Variants in EDA observed in about 807,000 individuals in gnomAD.
The protein encoded by EDA is ectodysplasin-A.
In EDA, 2 loss-of-function variants were observed where a neutral mutation model predicts 23.6. The observed-to-expected ratio is 0.08, with a 90% confidence interval of 0.03 to 0.27. The LOEUF (loss-of-function observed/expected upper bound fraction) is 0.27, where lower values mean the gene tolerates loss of function less well. Ranked by LOEUF, EDA falls within the 10% of genes least tolerant of loss-of-function variation. EDA has a pLI of 1.00. For missense variants in EDA, 229 were observed against 324.2 expected, an observed-to-expected ratio of 0.71 and a Z score of 2.26; for synonymous variants, 131 against 132.0, an observed-to-expected ratio of 0.99 and a Z score of 0.05.
intron 2 of EDA, chrX:70,022,966 C>A (rs1372723333): frequency 1.2e-5 from 3 of 254,749 alleles, no homozygotes; most frequent in Non-Finnish European, 1.5e-5. Context: ...CCCATTCCCT[C>A]ACCCCAAAGA....
chrX:70,030,688 C>G (rs2020186488), intron 6 of EDA, among the ~76,000 whole-genome samples, 168 bp downstream of exon 6: 1 of 112,168 alleles, frequency 8.9e-6, no homozygotes, highest in Non-Finnish European at 1.9e-5. Flanking sequence ...TGAGCAATTG[C>G]TGGCATCAAG....
chrX:69,906,376 A>G (rs868612912), intron 1 of EDA, among the ~76,000 whole-genome samples: 6 of 112,695 alleles, frequency 5.3e-5, no homozygotes, highest in African/African-American at 1.9e-4. Context: ...ATAAATAGTA[A>G]GAGGAATCTT....
At chrX:69,838,153 A>C (rs954968024) in intron 1 of EDA, among the ~76,000 whole-genome samples, 3 of 112,414 alleles carry the variant, frequency 2.7e-5, no homozygotes, top group African/African-American at 9.7e-5. Context: ...CTCTGAGTGG[A>C]ACTCTGTTTC....
chrX:69,817,386 A>C (rs888694761), intron 1 of EDA, among the ~76,000 whole-genome samples: 1 of 111,786 alleles, frequency 8.9e-6, no homozygotes, highest in African/African-American at 3.3e-5. Flanking sequence ...CCTTAAATGT[A>C]AATGGACTGA....
At chrX:69,720,344 A>G (rs1284492591) in intron 1 of EDA, among the ~76,000 whole-genome samples, 1 of 111,791 alleles carries the variant, frequency 8.9e-6, no homozygotes, top group Non-Finnish European at 1.9e-5. Context: ...GGTGTGTCTT[A>G]GCATGGATTT....
intron 1 of EDA, among the ~76,000 whole-genome samples, chrX:69,903,666 C>T (rs2018130350): frequency 9.2e-6 from 1 of 108,851 alleles, no homozygotes; most frequent in Non-Finnish European, 1.9e-5. Flanking sequence ...TATTTTTCTG[C>T]TTTGAAGCCA....
chrX:69,951,030 A>G (rs1419943195), intron 1 of EDA, among the ~76,000 whole-genome samples: 3 of 106,563 alleles, frequency 2.8e-5, no homozygotes, highest in Non-Finnish European at 5.8e-5. Flanking sequence ...AACATGGCAC[A>G]TGTATACATA....
At chrX:69,701,322 T>A (rs1392886427) in intron 1 of EDA, among the ~76,000 whole-genome samples, 1 of 110,293 alleles carries the variant, frequency 9.1e-6, no homozygotes, top group Admixed American at 9.6e-5. Context: ...TCCAGTGGGG[T>A]CCTCCGCAGA....
chrX:69,729,309 C>A (rs1456038416), intron 1 of EDA: 3 of 111,257 alleles, frequency 2.7e-5, no homozygotes, highest in Non-Finnish European at 5.7e-5. Context: ...ACCTCTCCAC[C>A]TATGTACTAA....
At position 69,843,838 on chromosome X, in the gene EDA, C is replaced by T. The variant is rs1304540927; in HGVS notation, c.397-113189C>T. Among the ~76,000 whole-genome samples the T allele has an allele frequency of 4.5e-5, 5 of 110,118 alleles. No individual in the cohort carries two copies. The East Asian group carries it at 8.6e-4, about 19-fold the overall frequency. The stretch of plus-strand genomic sequence containing the variant: ...GAGATCGAGACCATCCTGGCTAACA[C>T]GGTGAAACCCCGTCTCTATTAAAAA... On this transcript the variant is annotated intron_variant, in intron 1 of 7. Coordinates refer to ENST00000374552, the MANE Select transcript of EDA (RefSeq NM_001399.5).
chrX:70,003,568 A>C (rs767537525), intron 2 of EDA, among the ~76,000 whole-genome samples: 24 of 111,979 alleles, frequency 2.1e-4, no homozygotes, highest in Admixed American at 4.8e-4. Flanking sequence ...GAATATTATT[A>C]TAGAACTAGA....
At chrX:69,976,761 A>G (rs1303084489) in intron 2 of EDA, among the ~76,000 whole-genome samples, 15 of 91,809 alleles carry the variant, frequency 1.6e-4, no homozygotes, top group Non-Finnish European at 2.3e-4. Flanking sequence ...TAGCTGTGAC[A>G]GGGGGAGGGG....
At chrX:69,680,835 C>T (rs1224528472) in intron 1 of EDA, among the ~76,000 whole-genome samples, 6 of 103,261 alleles carry the variant, frequency 5.8e-5, no homozygotes, top group East Asian at 3.3e-4. Context: ...AAAGTTAATA[C>T]TGTTATGTGT....
At chrX:69,776,178 A>T (rs2014775759) in intron 1 of EDA, among the ~76,000 whole-genome samples, 1 of 112,203 alleles carries the variant, frequency 8.9e-6, no homozygotes, top group African/African-American at 3.2e-5. Context: ...ACAAAAGAAT[A>T]GTTGAACAGA....
intron 1 of EDA, among the ~76,000 whole-genome samples, chrX:69,842,401 A>T (rs2147561842): frequency 9.0e-6 from 1 of 111,671 alleles, no homozygotes; most frequent in African/African-American, 3.3e-5. Context: ...AATAATAATA[A>T]TAGAAATAAA....
chrX:69,871,352 T>C (rs777766073), intron 1 of EDA, among the ~76,000 whole-genome samples: 1 of 111,570 alleles, frequency 9.0e-6, no homozygotes, highest in Non-Finnish European at 1.9e-5. Context: ...GGGGAATTTA[T>C]TGAGTATTAA....
chrX:69,641,343 T>C (rs2147230700), intron 1 of EDA, among the ~76,000 whole-genome samples: 1 of 111,813 alleles, frequency 8.9e-6, no homozygotes, highest in Admixed American at 9.5e-5. Context: ...TTTGGCAAGA[T>C]ATGTGGTGGG....
In EDA at chrX:69,645,592, ATGTGTG is replaced by A. The variant is rs1201821188; in HGVS notation, c.396+28894_396+28899del. Among the ~76,000 whole-genome samples the A allele has an allele frequency of 9.7e-4, 46 of 47,613 alleles. 4 individuals are homozygous for A. The highest frequency in any genetic ancestry group is 3.1e-3 in the African/African-American group (23 of 7,535). 41.3% of individuals were successfully genotyped at this position (47,613 alleles called of 115,157 possible). A position where few individuals can be genotyped will look rare whatever the true frequency, so the allele number is the denominator to read the frequency against. On this transcript the variant is annotated intron_variant, in intron 1 of 7. Coordinates refer to ENST00000374552, the MANE Select transcript of EDA (RefSeq NM_001399.5). ...TTAGTTCTCTAGTTCTTTTATATAT[ATGTGTG>A]TGTGTATATATATATATGTGTGTGT...
chrX:69,688,519 G>A (rs902453669), intron 1 of EDA, among the ~76,000 whole-genome samples: 1 of 111,236 alleles, frequency 9.0e-6, no homozygotes, highest in East Asian at 2.8e-4. Context: ...TTGTGCCTCA[G>A]CCTCCCAAGT....
Sources: allele counts gnomAD v4.1 joint callset (sites outside exome capture counted in the v4.1 genomes callset), GRCh38; gene constraint gnomAD v4.1.1; transcripts MANE v1.5; gene names NCBI Gene and HGNC (gene_info 2026-07-23, HGNC 2026-07-21).